Variants in ADAMTSL1 observed in about 807,000 individuals in gnomAD.
ADAMTSL1 encodes the protein ADAMTS-like protein 1.
In ADAMTSL1, 126 loss-of-function variants were observed where a neutral mutation model predicts 201.8. That is an observed-to-expected ratio of 0.62 (90% confidence interval 0.54 to 0.72). The LOEUF (loss-of-function observed/expected upper bound fraction) is 0.72, where lower values mean the gene tolerates loss of function less well. Ranked by LOEUF, ADAMTSL1 falls within the 30% of genes least tolerant of loss-of-function variation. The pLI, the probability that ADAMTSL1 is intolerant of heterozygous loss-of-function variation, is 0.00. For missense variants in ADAMTSL1, 2,679 were observed against 2,277.8 expected (o/e 1.18, Z -3.59); for synonymous variants, 1,121 against 903.4 (o/e 1.24, Z -4.32).
chr9:18,718,816 G>A (rs917278293), intron 14 of ADAMTSL1, among the ~76,000 whole-genome samples: 12 of 152,252 alleles, frequency 7.9e-5, no homozygotes, highest in East Asian at 1.9e-4. Flanking sequence ...ACAAGCCCAC[G>A]GTCACTTCCT....
chr9:18,084,059 C>T (rs1285085044), intron 1 of ADAMTSL1, among the ~76,000 whole-genome samples: 1 of 152,174 alleles, frequency 6.6e-6, no homozygotes, highest in Non-Finnish European at 1.5e-5. Context: ...GATGACTTCC[C>T]TCCTCCATTT....
At chr9:18,663,758 A>C (rs1829257881) in intron 9 of ADAMTSL1, among the ~76,000 whole-genome samples, 2 of 152,118 alleles carry the variant, frequency 1.3e-5, no homozygotes, top group Non-Finnish European at 2.9e-5. Context: ...CATGGAAGAG[A>C]GTTATGTGAA....
At chr9:18,043,432 T>C (rs1279276395) in intron 1 of ADAMTSL1, among the ~76,000 whole-genome samples, 1 of 152,120 alleles carries the variant, frequency 6.6e-6, no homozygotes, top group Non-Finnish European at 1.5e-5. Context: ...AACTGGCCAG[T>C]TCAAGCTATT....
intron 2 of ADAMTSL1, among the ~76,000 whole-genome samples, chr9:18,280,932 GTGGCA>G (rs1172654104): frequency 6.7e-6 from 1 of 150,134 alleles, no homozygotes; most frequent in Non-Finnish European, 1.5e-5. Context: ...CTGAAGTGCG[GTGGCA>G]TGATCATAGC....
At chr9:18,430,141 AC>A (rs1819419790) in intron 2 of ADAMTSL1, among the ~76,000 whole-genome samples, 1 of 151,960 alleles carries the variant, frequency 6.6e-6, no homozygotes. Flanking sequence ...ATACACAAAA[AC>A]CACCTGGGGA....
At chr9:18,283,934 G>GAAAAA (rs1832895249) in intron 2 of ADAMTSL1, among the ~76,000 whole-genome samples, 2 of 47,866 alleles carry the variant, frequency 4.2e-5, no homozygotes, top group African/African-American at 1.6e-4. Context: ...AAAAAAAGAA[G>GAAAAA]AAGAAGAAGA....
intron 2 of ADAMTSL1, among the ~76,000 whole-genome samples, chr9:18,383,081 G>T (rs955679801): frequency 2.0e-5 from 3 of 152,104 alleles, no homozygotes; most frequent in Admixed American, 2.0e-4. Flanking sequence ...GCCCAACCAT[G>T]TACATACCAT....
chr9:18,339,611 C>T (rs186264869), intron 2 of ADAMTSL1, among the ~76,000 whole-genome samples: 4 of 152,066 alleles, frequency 2.6e-5, no homozygotes, highest in Non-Finnish European at 5.9e-5. Context: ...TGGGTACATA[C>T]CCAAATGAAT....
At chr9:18,635,057 TC>T (rs1241864578) in intron 5 of ADAMTSL1, among the ~76,000 whole-genome samples, 1 of 151,810 alleles carries the variant, frequency 6.6e-6, no homozygotes, top group Non-Finnish European at 1.5e-5. Flanking sequence ...GCATTGTACT[TC>T]CCAGAAATTT....
intron 1 of ADAMTSL1, among the ~76,000 whole-genome samples, chr9:18,006,378 G>C (rs1451753650): frequency 6.6e-6 from 1 of 151,938 alleles, no homozygotes; most frequent in Non-Finnish European, 1.5e-5. Flanking sequence ...AGCTCACTAA[G>C]TTCCTGACAA....
rs117822221 is a variant in ADAMTSL1 at position 18,547,617 on chromosome 9, C to T, written c.237+14325C>T. ...CGAGGAGGCTCTCTGTTGTGAAGAG[C>T]GGCTGTATATATATATAAAAAAAAA... On this transcript the variant is annotated intron_variant, in intron 3 of 28. Transcript: ENST00000380548. Among the ~76,000 whole-genome samples the T allele has an allele frequency of 1.2e-3, 137 of 118,224 alleles. 1 individual carries two copies. In the East Asian group the frequency reaches 0.03, roughly 26 times the overall value. The allele number at this position is 118,224 out of a possible 152,430, so 77.6% of individuals were successfully genotyped here.
chr9:18,055,693 G>A (rs915887846), intron 1 of ADAMTSL1, among the ~76,000 whole-genome samples: 3 of 152,184 alleles, frequency 2.0e-5, no homozygotes, highest in Admixed American at 1.3e-4. Flanking sequence ...AGAGTATGCC[G>A]TGCATAAAAT....
At chr9:18,461,761 G>A (rs193238798) in intron 2 of ADAMTSL1, among the ~76,000 whole-genome samples, 12 of 152,268 alleles carry the variant, frequency 7.9e-5, no homozygotes, top group Admixed American at 6.5e-4. Flanking sequence ...AGGCAGGAAA[G>A]GAAGTCGACA....
rs867041278 is a variant in ADAMTSL1 at position 18,869,190 on chromosome 9, T to A, written c.4250-18641T>A. On this transcript the variant is annotated intron_variant, in intron 23 of 28. Transcript: ENST00000380548. ...TGGGAGAGAGGCATGAAACAGATTC[T>A]TCTCTCACAGTCCTCAAATGGAGCC... 8.5e-5 allele frequency among the ~76,000 whole-genome samples: 13 copies of A among 152,332 alleles called. 1 individual carries two copies. In the South Asian group the frequency reaches 2.1e-3, roughly 24 times the overall value.
At chr9:18,269,501 A>G (rs1832273398) in intron 2 of ADAMTSL1, among the ~76,000 whole-genome samples, 1 of 152,182 alleles carries the variant, frequency 6.6e-6, no homozygotes, top group African/African-American at 2.4e-5. Flanking sequence ...ATACCAAAGG[A>G]GAAATATATA....
Position 18,775,796 on chromosome 9 carries a change from G to C in ADAMTSL1, c.2451G>C (p.Lys817Asn). ...AGACTCGAAGCGCCATTTGCCGAAA[G>C]ATGCTGAAAACCGGCCTCTCAACGG... ...GTQTRSAICR[K>N]MLKTGLSTVV... The change falls in exon 18 of 29, where the codon AAG (lysine) becomes AAC (asparagine). Residue 817 changes from lysine (K) to asparagine (N), a missense_variant. Transcript: ENST00000380548. 1 of 1,612,546 alleles carries C rather than the reference G, an allele frequency of 6.2e-7. No individual in the cohort carries two copies. Among genetic ancestry groups the C allele is most frequent in the Non-Finnish European group, 8.5e-7 (1 of 1,179,306 alleles).
chr9:18,370,561 T>C (rs2133125262), intron 2 of ADAMTSL1, among the ~76,000 whole-genome samples: 1 of 152,342 alleles, frequency 6.6e-6, no homozygotes, highest in Middle Eastern at 3.4e-3. Context: ...CATATTTGTA[T>C]TGATAGCGTT....
chr9:18,369,123 C>T (rs777722183), intron 2 of ADAMTSL1, among the ~76,000 whole-genome samples: 1 of 152,138 alleles, frequency 6.6e-6, no homozygotes, highest in Non-Finnish European at 1.5e-5. Flanking sequence ...AAAAAGTTGG[C>T]TAATGTAATC....
At chr9:18,397,594 G>C (rs1326846235) in intron 2 of ADAMTSL1, among the ~76,000 whole-genome samples, 2 of 152,006 alleles carry the variant, frequency 1.3e-5, no homozygotes, top group African/African-American at 2.4e-5. Context: ...CTTCTCCCCT[G>C]ATTATTTGAA....
Sources: gnomAD v4.1 joint callset for allele counts (sites outside exome capture counted in the v4.1 genomes callset) on GRCh38, gnomAD v4.1.1 for gene constraint, MANE v1.5 for transcripts, NCBI Gene and HGNC (gene_info 2026-07-23, HGNC 2026-07-21) for gene names.